Variants in WWOX observed in about 807,000 individuals in gnomAD.
WWOX encodes the protein WW domain-containing oxidoreductase.
WWOX carries 69 observed loss-of-function variants against 46.2 expected under a neutral mutation model. The ratio of observed to expected loss-of-function variants is 1.49; its 90% CI spans 1.23 to 1.82. The LOEUF is 1.82. WWOX is among the 40% of genes most tolerant of loss of function. The pLI is 0.00. For synonymous variants in WWOX, 359 were observed against 202.6 expected (o/e 1.77, Z -6.56); for missense variants, 919 against 542.6 (o/e 1.69, Z -6.89).
intron 8 of WWOX, among the ~76,000 whole-genome samples, chr16:78,932,231 G>C (rs1188049311): frequency 1.3e-5 from 2 of 152,144 alleles, no homozygotes; most frequent in Non-Finnish European, 2.9e-5. Flanking sequence ...TCCTCATAAA[G>C]TATTGTATCC....
Position 78,144,506 on chromosome 16 carries a change from T to TATATATACACACACACACACAC in WWOX, c.410-19670_410-19669insCACACACACACACACATATATA, listed in dbSNP as rs1567596537. Reference sequence around the variant, plus strand: ...ATATATACACACACACACACATATATATATATATATATATATATTTTTTTT... The same window carrying TATATATACACACACACACACAC: ...ATATATACACACACACACACATATATATATATACACACACACACACACATATATATATATATATATTTTTTTT... On this transcript the variant is annotated intron_variant, in intron 4 of 8. Transcript: ENST00000566780. 3.2e-3 allele frequency among the ~76,000 whole-genome samples: 99 copies of TATATATACACACACACACACAC among 31,394 alleles called. 5 individuals carry two copies. Among genetic ancestry groups the TATATATACACACACACACACAC allele is most frequent in the African/African-American group, 0.013 (93 of 6,890 alleles). 20.6% of individuals were successfully genotyped at this position (31,394 alleles called of 152,430 possible).
intron 8 of WWOX, among the ~76,000 whole-genome samples, chr16:78,587,359 A>G (rs2045235213): frequency 1.3e-5 from 2 of 152,028 alleles, no homozygotes; most frequent in African/African-American, 4.8e-5. Context: ...CATTTTTAAA[A>G]TAAAATTTCA....
chr16:78,616,740 T>G (rs2046034811), intron 8 of WWOX, among the ~76,000 whole-genome samples: 1 of 151,950 alleles, frequency 6.6e-6, no homozygotes, highest in South Asian at 2.1e-4. Context: ...CACTCCTGTC[T>G]GGGAGACAGA....
intron 6 of WWOX, among the ~76,000 whole-genome samples, chr16:78,397,676 C>G (rs1413303741): frequency 6.6e-6 from 1 of 152,188 alleles, no homozygotes. Context: ...CAGCCACTGC[C>G]TAGTGGGACA....
intron 8 of WWOX, among the ~76,000 whole-genome samples, chr16:79,023,820 G>A (rs1237594498): frequency 6.6e-6 from 1 of 151,734 alleles, no homozygotes; most frequent in Non-Finnish European, 1.5e-5. Context: ...GCCAGACATG[G>A]TGGTGCAGGC....
intron 8 of WWOX, among the ~76,000 whole-genome samples, chr16:78,939,111 G>C (rs2045800902): frequency 6.6e-6 from 1 of 152,184 alleles, no homozygotes; most frequent in South Asian, 2.1e-4. Context: ...GGCCCCGCTG[G>C]ATTTTCTGCC....
chr16:78,803,382 G>T (rs2050946697), intron 8 of WWOX, among the ~76,000 whole-genome samples: 2 of 152,060 alleles, frequency 1.3e-5, no homozygotes, highest in Admixed American at 1.3e-4. Context: ...TCCAGCTCAT[G>T]CAGAATTCTG....
At chr16:78,332,554 C>T (rs1861970171) in intron 5 of WWOX, among the ~76,000 whole-genome samples, 1 of 152,190 alleles carries the variant, frequency 6.6e-6, no homozygotes, top group Non-Finnish European at 1.5e-5. Flanking sequence ...CAAGAACAAA[C>T]ATCCATTTGT....
intron 8 of WWOX, among the ~76,000 whole-genome samples, chr16:78,839,768 C>G (rs556180689): frequency 6.6e-6 from 1 of 152,206 alleles, no homozygotes; most frequent in East Asian, 1.9e-4. Context: ...TAAATTGGGA[C>G]TGAGGAATGG....
intron 8 of WWOX, among the ~76,000 whole-genome samples, chr16:78,528,604 C>A (rs1030251821): frequency 5.9e-5 from 9 of 152,274 alleles, no homozygotes; most frequent in African/African-American, 1.9e-4. Context: ...AATAAACACA[C>A]AGTAAACCCA....
intron 8 of WWOX, among the ~76,000 whole-genome samples, chr16:78,722,189 C>T (rs1000894240): frequency 1.3e-5 from 2 of 152,176 alleles, no homozygotes; most frequent in African/African-American, 4.8e-5. Flanking sequence ...GTAGAGGACA[C>T]CAAGGCACGA....
chr16:78,173,395 C>T (rs367878929), intron 5 of WWOX, among the ~76,000 whole-genome samples: 1 of 152,010 alleles, frequency 6.6e-6, no homozygotes, highest in African/African-American at 2.4e-5. Flanking sequence ...CTCAAGTGAT[C>T]CTCCCATCTC....
chr16:78,413,124 G>C (rs921740770), intron 6 of WWOX, among the ~76,000 whole-genome samples: 5 of 152,286 alleles, frequency 3.3e-5, no homozygotes, highest in East Asian at 1.9e-4. Flanking sequence ...ACTGCAAATA[G>C]AGAAAGAATT....
At chr16:78,498,357 T>C (rs1323276597) in intron 8 of WWOX, among the ~76,000 whole-genome samples, 3 of 152,156 alleles carry the variant, frequency 2.0e-5, no homozygotes, top group African/African-American at 7.2e-5. Flanking sequence ...GGCCAGTGAT[T>C]TCACAGTTGA....
intron 8 of WWOX, among the ~76,000 whole-genome samples, chr16:79,153,536 T>A (rs947179656): frequency 6.6e-6 from 1 of 152,178 alleles, no homozygotes; most frequent in African/African-American, 2.4e-5. Flanking sequence ...TTGTGGAAAT[T>A]CGGACTGTGG....
intron 8 of WWOX, among the ~76,000 whole-genome samples, chr16:78,695,090 T>C (rs961314045): frequency 3.9e-5 from 6 of 152,158 alleles, no homozygotes; most frequent in African/African-American, 1.4e-4. Context: ...CCTGCTACTT[T>C]CATTTACCAT....
At chr16:78,229,533 A>ATAT (rs369604047) in intron 5 of WWOX, among the ~76,000 whole-genome samples, 3,929 of 145,472 alleles carry the variant, frequency 0.027, 116 homozygotes, top group African/African-American at 0.076. Flanking sequence ...TATATATATA[A>ATAT]AATAATGAAT....
intron 5 of WWOX, among the ~76,000 whole-genome samples, chr16:78,277,368 T>C (rs1033050155): frequency 6.6e-6 from 1 of 152,220 alleles, no homozygotes; most frequent in African/African-American, 2.4e-5. Context: ...TTGCCATTTC[T>C]AGCATTCTCT....
intron 5 of WWOX, among the ~76,000 whole-genome samples, chr16:78,354,228 A>G (rs1379306366): frequency 2.2e-5 from 3 of 135,620 alleles, no homozygotes; most frequent in Non-Finnish European, 4.7e-5. Context: ...CCACCCCAGC[A>G]CCCCCCCACC....
Sources: allele counts gnomAD v4.1 joint callset (sites outside exome capture counted in the v4.1 genomes callset), GRCh38; gene constraint gnomAD v4.1.1; transcripts MANE v1.5; gene names NCBI Gene and HGNC (gene_info 2026-07-23, HGNC 2026-07-21).